The following BTN2A1 variants were observed in gnomAD, a reference collection of about 807,000 sequenced individuals.
BTN2A1 encodes the protein butyrophilin subfamily 2 member A1.
Under a neutral mutation model 34.5 loss-of-function variants are expected in BTN2A1, and 41 were observed. That is an observed-to-expected ratio of 1.19 (90% confidence interval 0.93 to 1.54). The LOEUF (loss-of-function observed/expected upper bound fraction) is 1.54, where lower values mean the gene tolerates loss of function less well. BTN2A1 is among the 40% of genes most tolerant of loss of function. The pLI is 0.00. For missense variants in BTN2A1, 642 were observed against 662.0 expected (o/e 0.97, Z 0.33); for synonymous variants, 267 against 258.6 (o/e 1.03, Z -0.31).
At chr6:26,460,196 G>A (rs12195971) in intron 3 of BTN2A1, among the ~76,000 whole-genome samples, 11,083 of 151,514 alleles carry the variant, frequency 0.073, 669 homozygotes, top group Non-Finnish European at 0.098. Context: ...TTGTACCCTC[G>A]CTGGCACGAT....
Position 26,468,919 on chromosome 6 carries a change from G to T in BTN2A1, c.*370G>T. On this transcript the variant is annotated 3_prime_UTR_variant, in exon 8 of 8. Transcript: ENST00000312541. The stretch of plus-strand genomic sequence containing the variant: ...GCACCAGAAGATATGGACTTGGAAT[G>T]AGGCCTACAGGGTTCACCAGGATGT... 7.8e-7 allele frequency: 1 copy of T among 1,276,118 alleles called. No individual in the cohort carries two copies. Among genetic ancestry groups the T allele is most frequent in the South Asian group, 1.4e-5 (1 of 71,050 alleles). The allele number at this position is 1,276,118 out of a possible 1,614,324, so 79.0% of individuals were successfully genotyped here.
At position 26,463,417 on chromosome 6, in the gene BTN2A1, A is replaced by T. The variant is rs1354077740; in HGVS notation, c.604A>T (p.Met202Leu). Residue 202 changes from methionine to leucine, a missense_variant, in exon 4 of 8, where the codon ATG (methionine) becomes TTG (leucine). By Grantham distance (15) the Met-to-Leu change is conservative. Coordinates refer to ENST00000312541, the MANE Select transcript of BTN2A1 (RefSeq NM_007049.5). ...CATGCCTGATGCAGACGGCCTCTTC[A>T]TGGTCACCACGGCTGTGATCATCAG... Reference protein sequence around the residue: ...VSMPDADGLFMVTTAVIIRDK... With the variant: ...VSMPDADGLFLVTTAVIIRDK... 1 of 1,614,140 alleles carries T rather than the reference A, an allele frequency of 6.2e-7. No individual in the cohort carries two copies. Among genetic ancestry groups the T allele is most frequent in the African/African-American group, 1.3e-5 (1 of 75,018 alleles).
intron 7 of BTN2A1, 105 bp from the exon 8 acceptor site, chr6:26,467,843 G>A (rs531056721): frequency 1.3e-5 from 20 of 1,561,006 alleles, no homozygotes; most frequent in African/African-American, 6.9e-5. Flanking sequence ...TGGCCACTAC[G>A]TGGGGATCCC....
intron 5 of BTN2A1, 32 bp downstream of exon 5, chr6:26,465,438 T>C: frequency 6.2e-7 from 1 of 1,604,800 alleles, no homozygotes; most frequent in Non-Finnish European, 8.5e-7. Flanking sequence ...GGCTCATGGC[T>C]TGAATCCCAG....
At chr6:26,473,170 G>T (rs1419940049), downstream of BTN2A1, among the ~76,000 whole-genome samples, 1 of 152,030 alleles carries the variant, frequency 6.6e-6, no homozygotes, top group Non-Finnish European at 1.5e-5. Flanking sequence ...GTATCACTGG[G>T]GACCCATTGC....
Position 26,463,377 on chromosome 6 carries a change from C to T in BTN2A1, c.564C>T (p.Ala188=). ...WRDPYGGVAP[A]LKEVSMPDAD... ...ACCCCTACGGTGGGGTTGCGCCTGC[C>T]CTGAAAGAGGTCTCCATGCCTGATG... The change falls in exon 4 of 8, where the codon GCC becomes GCT. Residue 188 remains alanine (A), a synonymous_variant. Coordinates refer to ENST00000312541, the MANE Select transcript of BTN2A1 (RefSeq NM_007049.5). 1 of 1,614,074 alleles carries T rather than the reference C, an allele frequency of 6.2e-7. No individual in the cohort carries two copies. Among genetic ancestry groups the T allele is most frequent in the South Asian group, 1.1e-5 (1 of 91,068 alleles).
chr6:26,466,206 G>T (rs1021790573), intron 7 of BTN2A1, 118 bp downstream of exon 7: 1 of 1,490,966 alleles, frequency 6.7e-7, no homozygotes, highest in Admixed American at 1.7e-5. Flanking sequence ...AGGGAACGGG[G>T]GTCAGTTCAT....
At chr6:26,458,439 A>G (rs1763066939) in intron 1 of BTN2A1, among the ~76,000 whole-genome samples, 168 bp from the exon 2 acceptor site, 1 of 152,164 alleles carries the variant, frequency 6.6e-6, no homozygotes, top group South Asian at 2.1e-4. Flanking sequence ...GGCTTACTTC[A>G]TGGAATGTTT....
chr6:26,470,302 G>A (rs1763425775), downstream of BTN2A1, among the ~76,000 whole-genome samples: 1 of 152,104 alleles, frequency 6.6e-6, no homozygotes, highest in Admixed American at 6.5e-5. Context: ...AGCCAAGATC[G>A]TGCTGCTTCA....
At chr6:26,473,720 TTATGA>T (rs1053071555), downstream of BTN2A1, among the ~76,000 whole-genome samples, 75 of 152,350 alleles carry the variant, frequency 4.9e-4, no homozygotes, top group African/African-American at 1.6e-3. Flanking sequence ...GATATTTCTG[TTATGA>T]TATAAAAGAC....
intron 3 of BTN2A1, 69 bp downstream of exon 3, chr6:26,459,897 T>C (rs1319252761): frequency 1.4e-5 from 20 of 1,463,462 alleles, no homozygotes; most frequent in Non-Finnish European, 1.8e-5. Context: ...TCTCCTAACC[T>C]CAGGCCCATT....
intron 3 of BTN2A1, among the ~76,000 whole-genome samples, chr6:26,460,633 C>T (rs1440903347): frequency 6.6e-5 from 10 of 152,074 alleles, no homozygotes; most frequent in South Asian, 2.1e-4. Context: ...TTGGGCTGGG[C>T]GTGGTGGCTC....
chr6:26,470,064 C>T (rs890646792), downstream of BTN2A1, among the ~76,000 whole-genome samples: 1 of 152,058 alleles, frequency 6.6e-6, no homozygotes, highest in Admixed American at 6.6e-5. Flanking sequence ...AACCAAAACA[C>T]AGGTCGGGCA....
chr6:26,473,686 T>C (rs1481609822), downstream of BTN2A1, among the ~76,000 whole-genome samples: 1 of 152,204 alleles, frequency 6.6e-6, no homozygotes, highest in Non-Finnish European at 1.5e-5. Flanking sequence ...TTAAAATCTT[T>C]TCATTTTTCC....
chr6:26,467,628 G>T, intron 7 of BTN2A1: 1 of 1,367,666 alleles, frequency 7.3e-7, no homozygotes, highest in South Asian at 1.4e-5. Flanking sequence ...CATATGTCTT[G>T]GATAGAAAAG....
In BTN2A1 at chr6:26,468,838, C is replaced by G; in HGVS notation, c.*289C>G. On this transcript the variant is annotated 3_prime_UTR_variant, in exon 8 of 8. Transcript: ENST00000312541. ...GAAGAAAGTGTGAGAAGTTGATGGG[C>G]AGCAAACCTGCTGTTTAACATCAGG... The G allele has an allele frequency of 6.6e-7, 1 of 1,522,328 alleles. No homozygotes were observed. Among genetic ancestry groups the G allele is most frequent in the Non-Finnish European group, 8.9e-7 (1 of 1,127,940 alleles). 94.3% of individuals were successfully genotyped at this position (1,522,328 alleles called of 1,614,324 possible).
Position 26,458,092 on chromosome 6 carries a change from A to AAGTGTAG in BTN2A1, c.-80_-79insGTGTAGA. On this transcript the variant is annotated 5_prime_UTR_variant, in exon 1 of 8. Transcript: ENST00000312541. ...TTGGAGAGAAGAGGGACGACTGGAG[A>AAGTGTAG]ATCGTCGAGAACCAGCGGAGAAAAG... is the stretch of plus-strand genomic sequence containing the variant. 1.3e-5 allele frequency: 2 copies of AAGTGTAG among 155,206 alleles called. No individual in the cohort carries two copies. Among genetic ancestry groups the AAGTGTAG allele is most frequent in the East Asian group, 1.9e-4 (1 of 5,220 alleles). The allele number at this position is 155,206 out of a possible 1,614,324, so 9.6% of individuals were successfully genotyped here. A position where few individuals can be genotyped will look rare whatever the true frequency, so the allele number is the denominator to read the frequency against.
In BTN2A1 at chr6:26,465,395, T is replaced by C; in HGVS notation, c.923T>C (p.Leu308Pro). ...GAACGTGTGCAAAAAGAGGAAGAAC[T>C]TCAAGTAAAAGGTAAAAGAGGCTGA... ...EKERVQKEEELQVKEKLQEEL... is the reference protein window; with the variant it reads ...EKERVQKEEEPQVKEKLQEEL... Residue 308 changes from leucine to proline, a missense_variant, in exon 5 of 8, where the codon CTT becomes CCT. Coordinates refer to ENST00000312541, the MANE Select transcript of BTN2A1 (RefSeq NM_007049.5). The C allele has an allele frequency of 6.2e-7, 1 of 1,613,822 alleles. No homozygotes were observed. Among genetic ancestry groups the C allele is most frequent in the Non-Finnish European group, 8.5e-7 (1 of 1,179,936 alleles).
chr6:26,463,403 C>G lies in BTN2A1; in HGVS notation c.590C>G (p.Ala197Gly), dbSNP rs571328001. 1 of 1,613,584 alleles carries G rather than the reference C, an allele frequency of 6.2e-7. No homozygotes were observed. Among genetic ancestry groups the G allele is most frequent in the Non-Finnish European group, 8.5e-7 (1 of 1,179,502 alleles). Residue 197 changes from alanine to glycine, a missense_variant, in exon 4 of 8, where the codon GCA (alanine) becomes GGA (glycine). Ala to Gly is a moderately conservative substitution (Grantham distance 60). Coordinates refer to ENST00000312541, the MANE Select transcript of BTN2A1 (RefSeq NM_007049.5). ...PALKEVSMPD[A>G]DGLFMVTTAV... is the part of the protein sequence containing the mutation. ...CTGAAAGAGGTCTCCATGCCTGATG[C>G]AGACGGCCTCTTCATGGTCACCACG...
Sources: allele counts gnomAD v4.1 joint callset (sites outside exome capture counted in the v4.1 genomes callset), GRCh38; gene constraint gnomAD v4.1.1; transcripts MANE v1.5; gene names NCBI Gene and HGNC (gene_info 2026-07-23, HGNC 2026-07-21).